The following FOXP4 variants were observed in gnomAD, a reference collection of about 807,000 sequenced individuals.
FOXP4 encodes forkhead box protein P4.
Under a neutral mutation model 82.6 loss-of-function variants are expected in FOXP4, and 25 were observed. The ratio of observed to expected loss-of-function variants is 0.30; its 90% CI spans 0.22 to 0.42. The LOEUF (loss-of-function observed/expected upper bound fraction) is 0.42, where lower values mean the gene tolerates loss of function less well. Ranked by LOEUF, FOXP4 falls within the 10% of genes least tolerant of loss-of-function variation. The pLI is 1.00. For synonymous variants in FOXP4, 415 were observed against 388.2 expected (o/e 1.07, Z -0.81); for missense variants, 785 against 900.9 (o/e 0.87, Z 1.65).
Position 41,599,968 on chromosome 6 carries a change from T to C in FOXP4, c.*1032T>C, listed in dbSNP as rs984058057. 1 of 152,598 alleles carries C rather than the reference T, an allele frequency of 6.6e-6. No individual in the cohort carries two copies. The highest frequency in any genetic ancestry group is 1.5e-5 in the Non-Finnish European group (1 of 68,054). 9.5% of individuals were successfully genotyped at this position (152,598 alleles called of 1,614,324 possible). On this transcript the variant is annotated 3_prime_UTR_variant, in exon 17 of 17. Transcript: ENST00000307972. ...TGCCGGAAGCAAAAACCAAAACTTTTTGTTGGCTTTTTCCTTTGTCGCCTC... is the reference window on the plus strand; with the variant it reads ...TGCCGGAAGCAAAAACCAAAACTTTCTGTTGGCTTTTTCCTTTGTCGCCTC...
intron 1 of FOXP4, among the ~76,000 whole-genome samples, chr6:41,547,950 C>A (rs1763754080): frequency 6.6e-6 from 1 of 152,232 alleles, no homozygotes; most frequent in Admixed American, 6.5e-5. Flanking sequence ...CGGCCGCCCC[C>A]ATAAAGGACC....
At chr6:41,579,835 CAT>C (rs1450069303) in intron 3 of FOXP4, among the ~76,000 whole-genome samples, 1 of 152,162 alleles carries the variant, frequency 6.6e-6, no homozygotes, top group African/African-American at 2.4e-5. Flanking sequence ...TAACAACTGA[CAT>C]ATACAGAGTG....
intron 1 of FOXP4, among the ~76,000 whole-genome samples, chr6:41,562,497 C>CA (rs752989878): frequency 4.9e-4 from 74 of 152,258 alleles, no homozygotes; most frequent in Middle Eastern, 3.4e-3. Context: ...ATGCCCCCCC[C>CA]ATAAAAAGAA....
At chr6:41,597,077 C>A in intron 14 of FOXP4, 99 bp from the exon 15 acceptor site, 3 of 1,292,370 alleles carry the variant, frequency 2.3e-6, no homozygotes, top group Non-Finnish European at 3.4e-6. Flanking sequence ...GGGAATGGGA[C>A]CCATTCCCAG....
intron 2 of FOXP4, among the ~76,000 whole-genome samples, 196 bp from the exon 3 acceptor site, chr6:41,577,790 G>A (rs1045022947): frequency 6.6e-6 from 1 of 152,050 alleles, no homozygotes; most frequent in East Asian, 1.9e-4. Context: ...TAGAGGCTCT[G>A]ATCCCTGAAC....
At chr6:41,581,404 T>C (rs1765793791) in intron 3 of FOXP4, among the ~76,000 whole-genome samples, 1 of 152,136 alleles carries the variant, frequency 6.6e-6, no homozygotes, top group African/African-American at 2.4e-5. Flanking sequence ...CATGGGTGGG[T>C]GCAGGGTCCC....
At chr6:41,572,464 A>G (rs1284476203) in intron 2 of FOXP4, among the ~76,000 whole-genome samples, 2 of 152,216 alleles carry the variant, frequency 1.3e-5, no homozygotes, top group African/African-American at 4.8e-5. Context: ...GTGGGGCTTA[A>G]TAACCACTCA....
chr6:41,586,939 G>A (rs1766166473), intron 5 of FOXP4, 70 bp from the exon 6 acceptor site: 5 of 1,500,874 alleles, frequency 3.3e-6, no homozygotes, highest in Non-Finnish European at 4.4e-6. Context: ...TGGCCGCGGG[G>A]TGGGGGCCAG....
At chr6:41,577,428 C>T (rs935019541) in intron 2 of FOXP4, among the ~76,000 whole-genome samples, 2 of 152,178 alleles carry the variant, frequency 1.3e-5, no homozygotes, top group Non-Finnish European at 2.9e-5. Flanking sequence ...ACTGACCACC[C>T]AGTAAGGCAG....
chr6:41,576,081 A>G (rs912399060), intron 2 of FOXP4, among the ~76,000 whole-genome samples: 3 of 136,522 alleles, frequency 2.2e-5, no homozygotes, highest in African/African-American at 7.8e-5. Context: ...CTCTTTCCGC[A>G]GAGCCTTTTG....
At position 41,546,601 on chromosome 6, in the gene FOXP4, A is replaced by C. The variant is rs1424802195; in HGVS notation, c.-283A>C. 2 of 148,200 alleles carry C rather than the reference A, an allele frequency of 1.3e-5. No homozygotes were observed. Among genetic ancestry groups the C allele is most frequent in the African/African-American group, 2.4e-5 (1 of 40,852 alleles). 9.2% of individuals were successfully genotyped at this position (148,200 alleles called of 1,614,324 possible). On this transcript the variant is annotated 5_prime_UTR_variant, in exon 1 of 17. Coordinates refer to ENST00000307972, the MANE Select transcript of FOXP4 (RefSeq NM_001012426.2). ...GTCCGGGAGCCCGGGAGCCGGAGCG[A>C]GCTGACGAGCGTCGCGGAAGGACCG...
chr6:41,581,952 G>A (rs553448396), intron 3 of FOXP4, among the ~76,000 whole-genome samples: 67 of 152,334 alleles, frequency 4.4e-4, no homozygotes, highest in African/African-American at 1.5e-3. Context: ...TCTTCTGAGT[G>A]TCTGGTCTCA....
At position 41,587,286 on chromosome 6, in the gene FOXP4, GTC is replaced by G; in HGVS notation, c.659-8_659-7del. Reference sequence around the variant, plus strand: ...TCGTGGGGCCCTGCCAGCCTCCCCTGTCTCTCCCACAGCAGCTGTTTGCCCAA... The same window carrying G: ...TCGTGGGGCCCTGCCAGCCTCCCCTGTCTCCCACAGCAGCTGTTTGCCCAA... On this transcript the variant is annotated splice_polypyrimidine_tract_variant and intron_variant, in intron 6 of 16. Transcript: ENST00000307972. 1.2e-6 allele frequency: 2 copies of G among 1,611,832 alleles called. No homozygotes were observed. The highest frequency in any genetic ancestry group is 1.7e-6 in the Non-Finnish European group (2 of 1,179,848).
At chr6:41,553,979 T>TA (rs1218632986) in intron 1 of FOXP4, among the ~76,000 whole-genome samples, 3 of 152,176 alleles carry the variant, frequency 2.0e-5, no homozygotes, top group Non-Finnish European at 4.4e-5. Context: ...GAAGTTCTAA[T>TA]AGGACATCCC....
chr6:41,565,957 A>C lies in FOXP4; in HGVS notation c.197A>C (p.Gln66Pro). The change falls in exon 2 of 17, where the codon CAG (glutamine) becomes CCG (proline). Residue 66 changes from glutamine (Q) to proline (P), a missense_variant. Transcript: ENST00000307972. ...CCCGCAGAGCTGCTGCACTTCCAGCAGCAACAGGTAGGAACTGGTGCGCCT... is the reference window on the plus strand; with the variant it reads ...CCCGCAGAGCTGCTGCACTTCCAGCCGCAACAGGTAGGAACTGGTGCGCCT... Reference protein sequence around the residue: ...MSPAELLHFQQQQALQVARQF... With the variant: ...MSPAELLHFQPQQALQVARQF... 6.2e-7 allele frequency: 1 copy of C among 1,613,100 alleles called. No individual in the cohort carries two copies. The highest frequency in any genetic ancestry group is 8.5e-7 in the Non-Finnish European group (1 of 1,179,602).
intron 2 of FOXP4, among the ~76,000 whole-genome samples, chr6:41,566,899 G>T (rs959557573): frequency 3.3e-5 from 5 of 152,176 alleles, no homozygotes; most frequent in African/African-American, 1.2e-4. Context: ...GCGTGCACAC[G>T]TGTGTGTACC....
intron 1 of FOXP4, among the ~76,000 whole-genome samples, chr6:41,562,688 G>A (rs1764654319): frequency 7.9e-5 from 12 of 152,198 alleles, no homozygotes; most frequent in Admixed American, 7.9e-4. Flanking sequence ...ACACCCCTGA[G>A]GCTCTGGTCT....
At chr6:41,559,687 A>G (rs957574389) in intron 1 of FOXP4, among the ~76,000 whole-genome samples, 5 of 152,150 alleles carry the variant, frequency 3.3e-5, no homozygotes, top group African/African-American at 4.8e-5. Flanking sequence ...GGGGCCCTAA[A>G]TACATGTTGA....
At chr6:41,578,335 T>G (rs975124814) in intron 3 of FOXP4, among the ~76,000 whole-genome samples, 2 of 152,150 alleles carry the variant, frequency 1.3e-5, no homozygotes, top group Admixed American at 1.3e-4. Flanking sequence ...TGTCTGCAGC[T>G]CTCCCTGTCT....
Sources: allele counts gnomAD v4.1 joint callset (sites outside exome capture counted in the v4.1 genomes callset), GRCh38; gene constraint gnomAD v4.1.1; transcripts MANE v1.5; gene names NCBI Gene and HGNC (gene_info 2026-07-23, HGNC 2026-07-21).